The following THSD7B variants were observed in gnomAD, a reference collection of about 807,000 sequenced individuals.
THSD7B encodes thrombospondin type-1 domain-containing protein 7B.
In THSD7B, 138 loss-of-function variants were observed where a neutral mutation model predicts 213.6. That is an observed-to-expected ratio of 0.65 (90% CI 0.56 to 0.74). The LOEUF is 0.74. Among genes scored for constraint, THSD7B ranks in the 30% least tolerant of loss-of-function variants. The probability of loss-of-function intolerance (pLI) is 0.00; values close to 1 mark genes in which losing one functional copy is unlikely to be tolerated. For missense variants in THSD7B, 1,931 were observed against 1,991.5 expected (o/e 0.97, Z 0.58); for synonymous variants, 742 against 687.0 (o/e 1.08, Z -1.25).
rs1391666164 is a variant in THSD7B at position 137,056,829 on chromosome 2, T to C, written c.549T>C (p.Ser183=). 1 of 1,613,936 alleles carries C rather than the reference T, an allele frequency of 6.2e-7. No individual in the cohort carries two copies. Among genetic ancestry groups the C allele is most frequent in the South Asian group, 1.1e-5 (1 of 91,078 alleles). The change falls in exon 3 of 28, where the codon TCT becomes TCC. Residue 183 remains serine (S), a synonymous_variant. Coordinates refer to ENST00000409968, the MANE Select transcript of THSD7B (RefSeq NM_001316349.2). ...LIPCPRDCVV[S]EFLPWSNCSK... ...CTTGTCCCCGGGATTGTGTAGTATCTGAGTTCTTACCATGGTCCAACTGTA... is the reference window on the plus strand; with the variant it reads ...CTTGTCCCCGGGATTGTGTAGTATCCGAGTTCTTACCATGGTCCAACTGTA...
rs72973665 is a variant in THSD7B at position 137,250,682 on chromosome 2, C to G, written c.2266+8110C>G. Among the ~76,000 whole-genome samples the G allele has an allele frequency of 6.1e-3, 926 of 152,276 alleles. 12 individuals are homozygous for G. Among genetic ancestry groups the G allele is most frequent in the African/African-American group, 0.022 (897 of 41,542 alleles). ...TAGTGAATGAAACATACAGAAATCTCTCCATCGTAGAGAATACCATCCAGT... is the reference window on the plus strand; with the variant it reads ...TAGTGAATGAAACATACAGAAATCTGTCCATCGTAGAGAATACCATCCAGT... On this transcript the variant is annotated intron_variant, in intron 10 of 27. Coordinates refer to ENST00000409968, the MANE Select transcript of THSD7B (RefSeq NM_001316349.2).
chr2:137,357,306 G>T (rs185669012), intron 12 of THSD7B, among the ~76,000 whole-genome samples: 1 of 152,070 alleles, frequency 6.6e-6, no homozygotes, highest in Non-Finnish European at 1.5e-5. Context: ...GCATACTCCA[G>T]TGACTACATA....
At chr2:137,608,273 T>C (rs539742346) in intron 17 of THSD7B, among the ~76,000 whole-genome samples, 2 of 152,262 alleles carry the variant, frequency 1.3e-5, no homozygotes, top group East Asian at 3.9e-4. Context: ...TTGTGTCTGT[T>C]CCCTCTCTTT....
intron 12 of THSD7B, among the ~76,000 whole-genome samples, chr2:137,309,901 T>C (rs1169594975): frequency 6.6e-6 from 1 of 152,164 alleles, no homozygotes; most frequent in Non-Finnish European, 1.5e-5. Flanking sequence ...TAATCTGGTC[T>C]ATCATTGTTG....
intron 12 of THSD7B, among the ~76,000 whole-genome samples, chr2:137,382,127 AT>A (rs1385964347): frequency 2.3e-4 from 34 of 149,050 alleles, no homozygotes; most frequent in African/African-American, 4.4e-4. Flanking sequence ...TGGCTAATGC[AT>A]TTTTTTTTTC....
rs184536026 is a variant in THSD7B, at chr2:137,638,857, T to G, written c.3800-3631T>G. Among the ~76,000 whole-genome samples the G allele has an allele frequency of 3.5e-4, 53 of 152,264 alleles. No homozygotes were observed. The East Asian group carries it at 9.3e-3, about 27-fold the overall frequency. On this transcript the variant is annotated intron_variant, in intron 20 of 27. Coordinates refer to ENST00000409968, the MANE Select transcript of THSD7B (RefSeq NM_001316349.2). ...TGTGAAACTTCGAACTTGAGAGAGA[T>G]AATTTAGGGTACCTGGTGGAAGAAA...
chr2:137,266,841 C>T (rs1254368940), intron 10 of THSD7B, among the ~76,000 whole-genome samples: 1 of 152,180 alleles, frequency 6.6e-6, no homozygotes, highest in Non-Finnish European at 1.5e-5. Context: ...CACCCACTTG[C>T]TGTTCCCCTA....
intron 12 of THSD7B, among the ~76,000 whole-genome samples, chr2:137,376,524 T>C (rs940261253): frequency 2.0e-5 from 3 of 152,154 alleles, no homozygotes; most frequent in African/African-American, 2.4e-5. Context: ...TTTGAAGAGA[T>C]ACAGGTGAAA....
At chr2:137,649,185 A>G (rs1300096661) in intron 21 of THSD7B, among the ~76,000 whole-genome samples, 1 of 152,118 alleles carries the variant, frequency 6.6e-6, no homozygotes, top group African/African-American at 2.4e-5. Context: ...TCCTTGTCAC[A>G]TGGGTAGTTT....
chr2:137,560,229 A>T (rs1284923106), intron 15 of THSD7B, among the ~76,000 whole-genome samples: 1 of 152,206 alleles, frequency 6.6e-6, no homozygotes, highest in East Asian at 1.9e-4. Flanking sequence ...CCAAAGGATT[A>T]TAAATCATGC....
At chr2:137,513,641 A>T (rs1230684491) in intron 15 of THSD7B, among the ~76,000 whole-genome samples, 1 of 152,248 alleles carries the variant, frequency 6.6e-6, no homozygotes. Flanking sequence ...CCATTTCATT[A>T]AAAAAGTTAT....
intron 2 of THSD7B, among the ~76,000 whole-genome samples, chr2:136,888,941 T>TGG (rs916511663): frequency 1.4e-4 from 11 of 78,992 alleles, no homozygotes; most frequent in Middle Eastern, 4.8e-3. Context: ...CACTGTCTTT[T>TGG]GGGGTGTGTG....
At chr2:137,189,122 C>G (rs1366317093) in intron 7 of THSD7B, among the ~76,000 whole-genome samples, 3 of 152,100 alleles carry the variant, frequency 2.0e-5, no homozygotes, top group Non-Finnish European at 4.4e-5. Context: ...TCTCATCTTC[C>G]TTCCTTCATT....
intron 27 of THSD7B, among the ~76,000 whole-genome samples, chr2:137,669,100 C>A (rs999203149): frequency 6.6e-6 from 1 of 152,062 alleles, no homozygotes; most frequent in East Asian, 1.9e-4. Context: ...TTAATGAGAT[C>A]AAAGTGTTAC....
At chr2:136,934,759 A>G (rs1558858359) in intron 2 of THSD7B, among the ~76,000 whole-genome samples, 2 of 152,198 alleles carry the variant, frequency 1.3e-5, no homozygotes, top group Non-Finnish European at 2.9e-5. Context: ...GAGCAACAAT[A>G]GATTAGGCAT....
At chr2:137,388,743 C>T (rs531593864) in intron 12 of THSD7B, among the ~76,000 whole-genome samples, 2 of 152,198 alleles carry the variant, frequency 1.3e-5, no homozygotes, top group Middle Eastern at 6.8e-3. Context: ...TTATTTAGCA[C>T]CTACATGAGT....
At chr2:137,387,908 C>T (rs1027681321) in intron 12 of THSD7B, among the ~76,000 whole-genome samples, 1 of 152,166 alleles carries the variant, frequency 6.6e-6, no homozygotes, top group Non-Finnish European at 1.5e-5. Flanking sequence ...TGTTATCTCT[C>T]TACCTGCCTG....
chr2:136,971,005 A>G (rs982035863), intron 2 of THSD7B, among the ~76,000 whole-genome samples: 2 of 152,220 alleles, frequency 1.3e-5, no homozygotes, highest in Non-Finnish European at 2.9e-5. Context: ...ACTACTAAAT[A>G]TGTTGCAACT....
At chr2:136,972,368 T>C (rs1277180579) in intron 2 of THSD7B, among the ~76,000 whole-genome samples, 2 of 152,190 alleles carry the variant, frequency 1.3e-5, no homozygotes, top group African/African-American at 4.8e-5. Flanking sequence ...AAGCAGTTGC[T>C]CTAGCGAATA....
Sources: gnomAD v4.1 joint callset for allele counts (sites outside exome capture counted in the v4.1 genomes callset) on GRCh38, gnomAD v4.1.1 for gene constraint, MANE v1.5 for transcripts, NCBI Gene and HGNC (gene_info 2026-07-23, HGNC 2026-07-21) for gene names.